The following RNF170 variants were observed in gnomAD, a reference collection of about 807,000 sequenced individuals.
The protein encoded by RNF170 is ring finger protein 170, also known as E3 ubiquitin-protein ligase RNF170.
Under a neutral mutation model 32.7 loss-of-function variants are expected in RNF170, and 12 were observed. The ratio of observed to expected loss-of-function variants is 0.37; its 90% CI spans 0.24 to 0.60. The LOEUF is 0.60. RNF170 is among the 20% of genes least tolerant of loss of function. The pLI is 0.72. For synonymous variants in RNF170, 91 were observed against 103.6 expected (o/e 0.88, Z 0.74); for missense variants, 212 against 311.2 (o/e 0.68, Z 2.40).
Position 42,870,013 on chromosome 8 carries a change from G to C in RNF170, c.313C>G (p.Leu105Val). The change falls in exon 4 of 7, where the codon CTT becomes GTT. Residue 105 changes from leucine to valine, a missense_variant. Coordinates refer to ENST00000527424, the MANE Select transcript of RNF170 (RefSeq NM_030954.4). ...SFPVETNCGH[L>V]FCGACIIAYW... Reference sequence around the variant, plus strand: ...AGCGTTGTTTGCTTACCACAAAAAAGATGTCCACAGTTGGTCTCCACCGGG... The same window carrying C: ...AGCGTTGTTTGCTTACCACAAAAAACATGTCCACAGTTGGTCTCCACCGGG... The C allele has an allele frequency of 6.2e-7, 1 of 1,612,676 alleles. No individual in the cohort carries two copies. Among genetic ancestry groups the C allele is most frequent in the East Asian group, 2.2e-5 (1 of 44,880 alleles).
intron 2 of RNF170, among the ~76,000 whole-genome samples, chr8:42,879,076 C>CA (rs1288075673): frequency 2.6e-5 from 4 of 152,014 alleles, no homozygotes; most frequent in Admixed American, 2.6e-4. Flanking sequence ...AGTGTATTAA[C>CA]AAAAAAATCT....
chr8:42,855,146 T>C lies in RNF170; in HGVS notation c.*1013A>G, dbSNP rs1338357325. On this transcript the variant is annotated 3_prime_UTR_variant, in exon 7 of 7. Transcript: ENST00000527424. ...ATCTTCCCTTTACAAATTACTTTTA[T>C]ATCTACTACGAAAGGATGAGCTCTT... 7.0e-6 allele frequency: 9 copies of C among 1,287,046 alleles called. No individual in the cohort carries two copies. The South Asian group carries it at 8.6e-5, about 12-fold the overall frequency. The allele number at this position is 1,287,046 out of a possible 1,614,324, so 79.7% of individuals were successfully genotyped here.
chr8:42,896,908 C>T (rs1806981035), upstream of RNF170: 1 of 368,982 alleles, frequency 2.7e-6, no homozygotes, highest in South Asian at 1.3e-4. Context: ...GCGGGCGTGT[C>T]CGAAGTCGCG....
downstream of RNF170, chr8:42,851,123 C>T: frequency 7.1e-7 from 1 of 1,400,184 alleles, no homozygotes; most frequent in African/African-American, 1.4e-5. Context: ...CTTCCAGCTC[C>T]CTGGGCTCTA....
rs191483253 is a variant in RNF170 at position 42,878,023 on chromosome 8, G to A, written c.138-4017C>T. ...TGCACTTGCTTCATGTTTCTGTGTC[G>A]TCTTTTGGTTATACTTGCAATCAAT... On this transcript the variant is annotated intron_variant, in intron 2 of 6. Transcript: ENST00000527424. 1.6e-4 allele frequency among the ~76,000 whole-genome samples: 24 copies of A among 151,864 alleles called. 1 individual carries two copies. Among genetic ancestry groups the A allele is most frequent in the Admixed American group, 8.5e-4 (13 of 15,246 alleles).
At chr8:42,850,681 G>T, downstream of RNF170, 1 of 1,245,766 alleles carries the variant, frequency 8.0e-7, no homozygotes. Flanking sequence ...GTGCTGAGAT[G>T]TCTGAATGCC....
intron 1 of RNF170, chr8:42,896,205 C>T (rs981946433): frequency 3.4e-6 from 1 of 291,456 alleles, no homozygotes. Context: ...GGTCACGCTC[C>T]GAGCGACCCT....
intron 1 of RNF170, among the ~76,000 whole-genome samples, chr8:42,895,409 G>A (rs1806710407): frequency 6.6e-6 from 1 of 152,124 alleles, no homozygotes; most frequent in South Asian, 2.1e-4. Context: ...TGGGGGAAAG[G>A]GGTTCCAGGA....
chr8:42,874,313 C>A (rs1289435303), intron 2 of RNF170, among the ~76,000 whole-genome samples: 3 of 152,190 alleles, frequency 2.0e-5, no homozygotes, highest in Non-Finnish European at 4.4e-5. Context: ...GGTGAAATTT[C>A]TTCAAAATAA....
chr8:42,881,388 G>C (rs1327514036), intron 2 of RNF170: 2 of 152,238 alleles, frequency 1.3e-5, no homozygotes, highest in Non-Finnish European at 1.5e-5. Flanking sequence ...CCCAGGAGCA[G>C]GGGCCCATCA....
intron 2 of RNF170, among the ~76,000 whole-genome samples, chr8:42,879,646 A>G (rs997433048): frequency 9.2e-5 from 14 of 152,066 alleles, no homozygotes; most frequent in Non-Finnish European, 1.5e-5. Context: ...GTGAGACTCC[A>G]TCTCAAAAGC....
At chr8:42,850,894 G>C, downstream of RNF170, 3 of 1,551,708 alleles carry the variant, frequency 1.9e-6, no homozygotes, top group Non-Finnish European at 2.6e-6. Flanking sequence ...CTGAGGCCCT[G>C]ACCTGCATCC....
In RNF170 at chr8:42,854,949, C is replaced by A; in HGVS notation, c.*1210G>T. The A allele has an allele frequency of 7.8e-7, 1 of 1,287,220 alleles. No individual in the cohort carries two copies. Among genetic ancestry groups the A allele is most frequent in the South Asian group, 1.2e-5 (1 of 80,942 alleles). The allele number at this position is 1,287,220 out of a possible 1,614,324, so 79.7% of individuals were successfully genotyped here. ...AAAATTTCTGACAACAGAAAACTAA[C>A]AAAATTTGTCCAATCTGTTGCTATA... On this transcript the variant is annotated 3_prime_UTR_variant, in exon 7 of 7. Transcript: ENST00000527424.
At chr8:42,883,764 TTTG>T (rs1257227254) in intron 2 of RNF170, among the ~76,000 whole-genome samples, 12 of 152,028 alleles carry the variant, frequency 7.9e-5, no homozygotes, top group African/African-American at 2.9e-4. Context: ...CATGATAAAT[TTTG>T]TTATGTATAT....
chr8:42,895,190 C>G (rs1030755731), intron 1 of RNF170, among the ~76,000 whole-genome samples: 2 of 151,996 alleles, frequency 1.3e-5, no homozygotes, highest in Admixed American at 1.3e-4. Flanking sequence ...TGGCCTGCAC[C>G]TGTGGTTCCA....
At chr8:42,860,249 T>C (rs974625397) in intron 6 of RNF170, among the ~76,000 whole-genome samples, 2 of 152,226 alleles carry the variant, frequency 1.3e-5, no homozygotes, top group Admixed American at 6.5e-5. Flanking sequence ...GTTTTTGAAG[T>C]ACTTATTCAG....
intron 1 of RNF170, among the ~76,000 whole-genome samples, chr8:42,894,687 C>A (rs1266912892): frequency 3.9e-5 from 6 of 152,186 alleles, no homozygotes; most frequent in Non-Finnish European, 8.8e-5. Context: ...GCCTCAGCCT[C>A]CCGAGTAGCT....
At chr8:42,883,116 A>G (rs1210779860) in intron 2 of RNF170, among the ~76,000 whole-genome samples, 1 of 151,974 alleles carries the variant, frequency 6.6e-6, no homozygotes, top group African/African-American at 2.4e-5. Flanking sequence ...GGAGCTAAAC[A>G]TAAAGATGGA....
chr8:42,853,890 C>G lies in RNF170; in HGVS notation c.*2269G>C. ...TACAATACACCTCTTTCAGGAAAGT[C>G]TTAGTAGTAACTCCAAATATTATAA... On this transcript the variant is annotated 3_prime_UTR_variant, in exon 7 of 7. Coordinates refer to ENST00000527424, the MANE Select transcript of RNF170 (RefSeq NM_030954.4). 7.8e-7 allele frequency: 1 copy of G among 1,286,908 alleles called. No individual in the cohort carries two copies. The highest frequency in any genetic ancestry group is 1.5e-5 in the African/African-American group (1 of 65,876). 79.7% of individuals were successfully genotyped at this position (1,286,908 alleles called of 1,614,324 possible).
Sources: gnomAD v4.1 joint callset for allele counts (sites outside exome capture counted in the v4.1 genomes callset) on GRCh38, gnomAD v4.1.1 for gene constraint, MANE v1.5 for transcripts, NCBI Gene and HGNC (gene_info 2026-07-23, HGNC 2026-07-21) for gene names.